The following DIP2C variants were observed in gnomAD, a reference collection of about 807,000 sequenced individuals.
The protein encoded by DIP2C is DIP2 acetate--CoA ligase C (putative).
Under a neutral mutation model 192.4 loss-of-function variants are expected in DIP2C, and 33 were observed. The ratio of observed to expected loss-of-function variants is 0.17; its 90% CI spans 0.13 to 0.23. The LOEUF (loss-of-function observed/expected upper bound fraction) is 0.23. Among genes scored for constraint, DIP2C ranks in the 10% least tolerant of loss-of-function variants. The pLI, the probability that DIP2C is intolerant of heterozygous loss-of-function variation, is 1.00. For missense variants in DIP2C, 1,537 were observed against 2,110.1 expected, an observed-to-expected ratio of 0.73 and a Z score of 5.32; for synonymous variants, 979 against 864.1, an observed-to-expected ratio of 1.13 and a Z score of -2.33.
At chr10:568,772 AAAAAAAAAAAAAAAAAAAAAAAAAAAC>A (rs1456951343) in intron 1 of DIP2C, among the ~76,000 whole-genome samples, 1 of 115,468 alleles carries the variant, frequency 8.7e-6, no homozygotes, top group Non-Finnish European at 1.7e-5. Flanking sequence ...TCTCAAAAAA[AAAAAAAAAAAAAAAAAAAAAAAAAAAC>A]CTTCACTTGA....
At chr10:361,066 T>C (rs1959421012) in intron 22 of DIP2C, among the ~76,000 whole-genome samples, 1 of 152,170 alleles carries the variant, frequency 6.6e-6, no homozygotes, top group African/African-American at 2.4e-5. Flanking sequence ...AGCAGAGACG[T>C]AGGGCCTCAG....
intron 1 of DIP2C, among the ~76,000 whole-genome samples, chr10:548,911 CAA>C (rs61437915): frequency 4.7e-3 from 123 of 26,446 alleles, no homozygotes; most frequent in South Asian, 0.026. Flanking sequence ...TAGCAGCTCA[CAA>C]AAAAAAAAAA....
chr10:623,301 CAG>C (rs1480401835), intron 1 of DIP2C, among the ~76,000 whole-genome samples: 1 of 150,752 alleles, frequency 6.6e-6, no homozygotes, highest in Non-Finnish European at 1.5e-5. Flanking sequence ...GGAGGGGGCA[CAG>C]AGGCAGCACC....
chr10:635,310 G>T (rs1564290370), intron 1 of DIP2C, among the ~76,000 whole-genome samples: 1 of 152,248 alleles, frequency 6.6e-6, no homozygotes, highest in South Asian at 2.1e-4. Context: ...GTCCATCAGC[G>T]TCTCCACATC....
chr10:528,245 TAAAAAC>T (rs1847170796), intron 1 of DIP2C, among the ~76,000 whole-genome samples: 1 of 151,706 alleles, frequency 6.6e-6, no homozygotes, highest in African/African-American at 2.4e-5. Context: ...CACCAAGACA[TAAAAAC>T]AAAAACGCAG....
intron 1 of DIP2C, among the ~76,000 whole-genome samples, chr10:640,648 C>T (rs1359029530): frequency 1.3e-5 from 2 of 150,156 alleles, no homozygotes; most frequent in Admixed American, 1.3e-4. Context: ...TGAGGGTGCG[C>T]GCGGGGAAGA....
chr10:495,272 T>C (rs1844738880), intron 1 of DIP2C, among the ~76,000 whole-genome samples: 1 of 151,960 alleles, frequency 6.6e-6, no homozygotes, highest in Non-Finnish European at 1.5e-5. Context: ...CAAGAAAAAA[T>C]GAGTCAATTC....
chr10:378,776 C>T (rs1961994420), intron 17 of DIP2C, among the ~76,000 whole-genome samples: 1 of 151,352 alleles, frequency 6.6e-6, no homozygotes, highest in South Asian at 2.1e-4. Context: ...CGTGAACACA[C>T]ATGCCTAGAC....
Position 689,494 on chromosome 10 carries a change from C to T in DIP2C, c.85G>A (p.Gly29Ser). Residue 29 changes from glycine to serine, a missense_variant and splice_region_variant, in exon 1 of 37, where the codon GGT (glycine) becomes AGT (serine). By Grantham distance (56) the Gly-to-Ser change is moderately conservative. Transcript: ENST00000280886. This position sits in a 1 kb window ranked among gnomAD's most constrained non-coding sequence, Gnocchi z 6.1. ...CGGCCCGGGGCGGGGGCCCGGTTAC[C>T]TTCCGACAGCTCCAGCTCCAGCTCG... The part of the protein sequence containing the change: ...LAELELELSE[G>S]DITQKGYEKK... 1 of 1,259,256 alleles carries T rather than the reference C, an allele frequency of 7.9e-7. No individual in the cohort carries two copies. The highest frequency in any genetic ancestry group is 1.0e-6 in the Non-Finnish European group (1 of 983,060). 78.0% of individuals were successfully genotyped at this position (1,259,256 alleles called of 1,614,324 possible).
intron 10 of DIP2C, among the ~76,000 whole-genome samples, chr10:392,789 G>A (rs1963589293): frequency 1.3e-5 from 2 of 151,326 alleles, no homozygotes; most frequent in South Asian, 2.1e-4. Flanking sequence ...ACGCGCCCAT[G>A]CACACACGCG....
intron 14 of DIP2C, among the ~76,000 whole-genome samples, chr10:386,738 A>C (rs1013476580): frequency 6.6e-6 from 1 of 152,236 alleles, no homozygotes; most frequent in African/African-American, 2.4e-5. Context: ...TCATATGCCC[A>C]TCACTCATGT....
At chr10:648,051 A>G (rs1038602027) in intron 1 of DIP2C, among the ~76,000 whole-genome samples, 1 of 151,216 alleles carries the variant, frequency 6.6e-6, no homozygotes, top group Non-Finnish European at 1.5e-5. Context: ...AACAGAGGGA[A>G]ACTGAGTCCA....
At chr10:321,397 G>A (rs982684391) in intron 31 of DIP2C, among the ~76,000 whole-genome samples, 2 of 152,194 alleles carry the variant, frequency 1.3e-5, no homozygotes, top group Non-Finnish European at 2.9e-5. Flanking sequence ...AAGCCCTGCT[G>A]CACACGGGTG....
chr10:516,224 G>T lies in DIP2C; in HGVS notation c.86-29694C>A, dbSNP rs930291413. ...AGATGGAGCTGACAAGCAGATGACA[G>T]CTTTTCCAAAATGTTCCCACGTTTA... On this transcript the variant is annotated intron_variant, in intron 1 of 36. Transcript: ENST00000280886. 3.6e-5 allele frequency among the ~76,000 whole-genome samples: 5 copies of T among 137,854 alleles called. No individual in the cohort carries two copies. In the Admixed American group the frequency reaches 3.8e-4, roughly 10 times the overall value. 90.4% of individuals were successfully genotyped at this position (137,854 alleles called of 152,430 possible). A position where few individuals can be genotyped will look rare whatever the true frequency, so the allele number is the denominator to read the frequency against.
intron 1 of DIP2C, among the ~76,000 whole-genome samples, chr10:550,933 C>T (rs935881040): frequency 3.9e-5 from 6 of 152,310 alleles, no homozygotes; most frequent in Admixed American, 2.0e-4. Flanking sequence ...CCCCGGGCCT[C>T]GGTCTCCCCT....
intron 1 of DIP2C, among the ~76,000 whole-genome samples, chr10:622,416 G>C (rs993692139): frequency 1.1e-4 from 16 of 149,950 alleles, no homozygotes; most frequent in Non-Finnish European, 2.1e-4. Flanking sequence ...GGAGGGAAGA[G>C]AGGCATGTTC....
At chr10:517,116 C>G (rs1191297040) in intron 1 of DIP2C, among the ~76,000 whole-genome samples, 53 of 152,056 alleles carry the variant, frequency 3.5e-4, no homozygotes, top group Non-Finnish European at 8.8e-5. Flanking sequence ...CTTGGCCCCT[C>G]CATCCCACCA....
At chr10:392,566 C>T (rs1274801939) in intron 10 of DIP2C, among the ~76,000 whole-genome samples, 1 of 152,166 alleles carries the variant, frequency 6.6e-6, no homozygotes, top group Middle Eastern at 3.2e-3. Context: ...GTAGAGTGCC[C>T]CCCGCGGCCC....
chr10:369,721 G>A (rs778299895), intron 17 of DIP2C, 88 bp from the exon 18 acceptor site: 17 of 1,597,634 alleles, frequency 1.1e-5, no homozygotes, highest in Admixed American at 1.7e-5. Flanking sequence ...GCGGCAGGCT[G>A]GGCACCTCTG....
Sources: allele counts gnomAD v4.1 joint callset (sites outside exome capture counted in the v4.1 genomes callset), GRCh38; gene constraint gnomAD v4.1.1; non-coding constraint Gnocchi (gnomAD v3.1); transcripts MANE v1.5; gene names NCBI Gene and HGNC (gene_info 2026-07-23, HGNC 2026-07-21).